Variants in EML1 observed in about 807,000 individuals in gnomAD.
EML1 encodes echinoderm microtubule-associated protein-like 1.
Under a neutral mutation model 110.4 loss-of-function variants are expected in EML1, and 27 were observed. The ratio of observed to expected loss-of-function variants is 0.24; its 90% confidence interval spans 0.18 to 0.34. EML1 has a LOEUF of 0.34. Among genes scored for constraint, EML1 ranks in the 10% least tolerant of loss-of-function variants. The pLI, the probability that EML1 is intolerant of heterozygous loss-of-function variation, is 1.00. For missense variants in EML1, 741 were observed against 1,030.9 expected (o/e 0.72, Z 3.85); for synonymous variants, 344 against 385.8 (o/e 0.89, Z 1.27).
chr14:99,807,997 G>A (rs992697397), intron 1 of EML1, among the ~76,000 whole-genome samples: 9 of 151,956 alleles, frequency 5.9e-5, no homozygotes, highest in African/African-American at 1.5e-4. Context: ...TCCTTTTTCC[G>A]TATTTAAATA....
intron 4 of EML1, among the ~76,000 whole-genome samples, chr14:99,884,030 T>G (rs1566917022): frequency 6.6e-6 from 1 of 152,242 alleles, no homozygotes; most frequent in Non-Finnish European, 1.5e-5. Flanking sequence ...GCTTTGTCAT[T>G]GTGAACAAGT....
intron 1 of EML1, among the ~76,000 whole-genome samples, chr14:99,848,775 C>T (rs1260698118): frequency 6.6e-6 from 1 of 151,978 alleles, no homozygotes; most frequent in Non-Finnish European, 1.5e-5. Flanking sequence ...CCAGCCTGGG[C>T]AACACAGTGA....
Position 99,905,277 on chromosome 14 carries a change from A to G in EML1, c.1009-2361A>G, listed in dbSNP as rs776266216. On this transcript the variant is annotated intron_variant, in intron 9 of 21. Transcript: ENST00000262233. This position sits in a 1 kb window ranked among gnomAD's most constrained non-coding sequence, Gnocchi z 4.1. The stretch of plus-strand genomic sequence containing the variant: ...TTAGCCATTCAGCTCAGCACCCAGC[A>G]CCCAAAATCAAACTGGCAGGGCTCA... 1.2e-3 allele frequency among the ~76,000 whole-genome samples: 176 copies of G among 152,200 alleles called. No homozygotes were observed. The highest frequency in any genetic ancestry group is 3.5e-3 in the Admixed American group (53 of 15,278).
intron 3 of EML1, among the ~76,000 whole-genome samples, 186 bp downstream of exon 3, chr14:99,865,832 T>C (rs910848428): frequency 6.6e-6 from 1 of 152,248 alleles, no homozygotes; most frequent in African/African-American, 2.4e-5. Flanking sequence ...TGTTTTAGAT[T>C]TACTTGTGTT....
chr14:99,870,789 G>A (rs1015479658), intron 3 of EML1, among the ~76,000 whole-genome samples: 4 of 152,054 alleles, frequency 2.6e-5, no homozygotes, highest in Admixed American at 6.6e-5. Context: ...CCTACTGCTC[G>A]GAAGAAAAAG....
At chr14:99,810,334 G>A (rs1474507953) in intron 1 of EML1, among the ~76,000 whole-genome samples, 1 of 152,162 alleles carries the variant, frequency 6.6e-6, no homozygotes, top group Non-Finnish European at 1.5e-5. Context: ...TTATGTATCT[G>A]CCATAAGAAG....
chr14:99,775,129 C>T (rs2057468061), intron 1 of EML1, among the ~76,000 whole-genome samples: 1 of 152,188 alleles, frequency 6.6e-6, no homozygotes, highest in Admixed American at 6.5e-5. Flanking sequence ...GGCAGAGCAT[C>T]ACAGCATCAC....
chr14:99,819,337 C>G (rs948990028), intron 1 of EML1, among the ~76,000 whole-genome samples: 3 of 152,162 alleles, frequency 2.0e-5, no homozygotes, highest in African/African-American at 7.2e-5. Context: ...TGTTCCTGAG[C>G]TCACACAGAC....
At chr14:99,802,824 G>A (rs992180323) in intron 1 of EML1, among the ~76,000 whole-genome samples, 3 of 152,188 alleles carry the variant, frequency 2.0e-5, no homozygotes, top group African/African-American at 7.2e-5. Context: ...CATGGGCACC[G>A]ATGAGCTCAC....
chr14:99,880,327 A>C (rs1951574), intron 4 of EML1, among the ~76,000 whole-genome samples: 4,909 of 152,190 alleles, frequency 0.032, 273 homozygotes, highest in African/African-American at 0.11. Context: ...AACTCAAAAG[A>C]AGCAGCTAAG....
intron 1 of EML1, among the ~76,000 whole-genome samples, chr14:99,841,845 C>T (rs1185802875): frequency 6.6e-6 from 1 of 152,140 alleles, no homozygotes; most frequent in African/African-American, 2.4e-5. Context: ...ATAGAGACAC[C>T]GCCCCATAGA....
chr14:99,849,904 G>T (rs2058765067), intron 1 of EML1, among the ~76,000 whole-genome samples: 1 of 150,246 alleles, frequency 6.7e-6, no homozygotes, highest in South Asian at 2.2e-4. Context: ...TTATTTGTTT[G>T]TTTTGTTTTT....
intron 17 of EML1, among the ~76,000 whole-genome samples, chr14:99,925,062 A>G (rs1250030001): frequency 6.6e-6 from 1 of 152,042 alleles, no homozygotes; most frequent in East Asian, 1.9e-4. Flanking sequence ...TGTCTGTCTC[A>G]GTTATGAGAG....
At chr14:99,786,365 C>T (rs1566863593) in intron 1 of EML1, among the ~76,000 whole-genome samples, 1 of 152,206 alleles carries the variant, frequency 6.6e-6, no homozygotes, top group Non-Finnish European at 1.5e-5. Flanking sequence ...GTGTAATGGG[C>T]AACCACTTTT....
chr14:99,819,257 A>G (rs2058221091), intron 1 of EML1, among the ~76,000 whole-genome samples: 1 of 152,182 alleles, frequency 6.6e-6, no homozygotes, highest in Non-Finnish European at 1.5e-5. Flanking sequence ...GCCTGGCCAG[A>G]ACATGCTTTT....
intron 1 of EML1, among the ~76,000 whole-genome samples, chr14:99,745,134 C>T (rs1011823018): frequency 1.3e-5 from 2 of 152,118 alleles, no homozygotes; most frequent in African/African-American, 2.4e-5. Context: ...TGGCACATCT[C>T]GGCTCACTGC....
At chr14:99,927,485 T>C (rs568157865) in intron 17 of EML1, among the ~76,000 whole-genome samples, 113 of 152,314 alleles carry the variant, frequency 7.4e-4, no homozygotes, top group Non-Finnish European at 4.6e-4. Flanking sequence ...TAATGGGTTT[T>C]TCTCACTTTT....
At chr14:99,880,961 A>G (rs1379884521) in intron 4 of EML1, among the ~76,000 whole-genome samples, 2 of 152,206 alleles carry the variant, frequency 1.3e-5, no homozygotes, top group Non-Finnish European at 2.9e-5. Context: ...ACAATTCCTC[A>G]CTTTTTATTT....
chr14:99,875,701 T>C (rs1457580890), intron 3 of EML1, among the ~76,000 whole-genome samples: 1 of 152,176 alleles, frequency 6.6e-6, no homozygotes, highest in Non-Finnish European at 1.5e-5. Flanking sequence ...AGCCTTGTAC[T>C]AAAGACTGGG....
Sources: gnomAD v4.1 joint callset for allele counts (sites outside exome capture counted in the v4.1 genomes callset) on GRCh38, gnomAD v4.1.1 for gene constraint, Gnocchi (gnomAD v3.1) non-coding constraint, MANE v1.5 for transcripts, NCBI Gene and HGNC (gene_info 2026-07-23, HGNC 2026-07-21) for gene names.